L3MBTL3: variants seen among roughly 807,000 people sequenced by gnomAD.
The protein encoded by L3MBTL3 is lethal(3)malignant brain tumor-like protein 3.
A neutral mutation model predicts 102.3 loss-of-function variants in L3MBTL3; 27 were observed. That is an observed-to-expected ratio of 0.26 (90% confidence interval 0.19 to 0.36). The LOEUF (loss-of-function observed/expected upper bound fraction) is 0.36, where lower values mean the gene tolerates loss of function less well. L3MBTL3 is among the 10% of genes least tolerant of loss of function. The pLI is 1.00. For synonymous variants in L3MBTL3, 340 were observed against 320.9 expected (o/e 1.06, Z -0.64); for missense variants, 798 against 955.3 (o/e 0.84, Z 2.17).
chr6:130,025,152 C>T (rs1400950301), intron 2 of L3MBTL3, among the ~76,000 whole-genome samples: 1 of 152,148 alleles, frequency 6.6e-6, no homozygotes, highest in Admixed American at 6.5e-5. Flanking sequence ...CCACTTGCCA[C>T]TATTGAGGGA....
Position 130,057,406 on chromosome 6 carries a change from G to A in L3MBTL3, c.668G>A (p.Gly223Asp). 1 of 1,605,666 alleles carries A rather than the reference G, an allele frequency of 6.2e-7. No homozygotes were observed. The highest frequency in any genetic ancestry group is 8.5e-7 in the Non-Finnish European group (1 of 1,176,812). ...CATTTCCGTCTTGCTTGCCTTTCAG[G>A]TTTGCCTCCTAAAGGAAAGAAAGCG... ...RRGDSAVLKQ[G>D]LPPKGKKAWC... Residue 223 changes from glycine to aspartate, a missense_variant and splice_region_variant, in exon 9 of 23, where the codon GGT (glycine) becomes GAT (aspartate). Physicochemically the swap from Gly to Asp is moderately conservative, Grantham distance 94. Coordinates refer to ENST00000361794, the MANE Select transcript of L3MBTL3 (RefSeq NM_032438.4).
chr6:130,059,935 T>G lies in L3MBTL3; in HGVS notation c.760-101T>G, dbSNP rs569719846. On this transcript the variant is annotated intron_variant, in intron 9 of 22. Coordinates refer to ENST00000361794, the MANE Select transcript of L3MBTL3 (RefSeq NM_032438.4). ...TTTCTTTGGATTTTTAGAAGTTATG[T>G]ATTTGGTTAAATAGTCTTTATTTTT... 10 of 602,900 alleles carry G rather than the reference T, an allele frequency of 1.7e-5. No individual in the cohort carries two copies. The African/African-American group carries it at 1.9e-4, about 11-fold the overall frequency. 37.3% of individuals were successfully genotyped at this position (602,900 alleles called of 1,614,324 possible).
chr6:130,118,307 C>A (rs968043718), intron 19 of L3MBTL3, among the ~76,000 whole-genome samples: 4 of 152,176 alleles, frequency 2.6e-5, no homozygotes, highest in African/African-American at 9.7e-5. Context: ...TCCTTCAAGG[C>A]GTGTTATAAA....
intron 14 of L3MBTL3, among the ~76,000 whole-genome samples, chr6:130,081,422 A>AT (rs71028192): frequency 0.27 from 39,446 of 145,056 alleles, 5,783 homozygotes; most frequent in African/African-American, 0.38. Context: ...TATTAACTCC[A>AT]TTTTTTTTTT....
chr6:130,027,235 T>C (rs1211893320), intron 2 of L3MBTL3, among the ~76,000 whole-genome samples: 2 of 152,222 alleles, frequency 1.3e-5, no homozygotes, highest in African/African-American at 4.8e-5. Flanking sequence ...GGTAATGGGC[T>C]GTTTCTCCTT....
intron 13 of L3MBTL3, among the ~76,000 whole-genome samples, chr6:130,073,752 C>A (rs1246029911): frequency 1.3e-5 from 2 of 151,864 alleles, no homozygotes; most frequent in South Asian, 2.1e-4. Context: ...TAAAAAAGAT[C>A]CTGGATTCTA....
chr6:130,068,077 A>G (rs1318839290), intron 11 of L3MBTL3, among the ~76,000 whole-genome samples: 5 of 152,370 alleles, frequency 3.3e-5, no homozygotes, highest in Middle Eastern at 3.4e-3. Context: ...TGTCCTGGGT[A>G]TAATACATAT....
chr6:130,093,809 G>A (rs1408181205), intron 17 of L3MBTL3, among the ~76,000 whole-genome samples: 1 of 152,208 alleles, frequency 6.6e-6, no homozygotes, highest in African/African-American at 2.4e-5. Flanking sequence ...TGGTCAGAAT[G>A]AGGGAGGGTC....
At chr6:130,131,700 G>A (rs557360750) in intron 20 of L3MBTL3, among the ~76,000 whole-genome samples, 1 of 152,188 alleles carries the variant, frequency 6.6e-6, no homozygotes, top group Non-Finnish European at 1.5e-5. Flanking sequence ...TTGATGATAT[G>A]CTAAACAGGG....
intron 19 of L3MBTL3, among the ~76,000 whole-genome samples, chr6:130,116,946 ATTT>A (rs1329155980): frequency 7.1e-6 from 1 of 141,256 alleles, no homozygotes; most frequent in African/African-American, 2.9e-5. Context: ...TTTTCCTCTT[ATTT>A]TTTATTTATT....
intron 9 of L3MBTL3, among the ~76,000 whole-genome samples, chr6:130,059,673 C>T (rs1349742854): frequency 2.0e-5 from 3 of 152,126 alleles, no homozygotes; most frequent in African/African-American, 4.8e-5. Flanking sequence ...GTGATGTATG[C>T]GTGTGTCTGT....
intron 12 of L3MBTL3, chr6:130,070,700 A>C (rs1012486911): frequency 3.8e-6 from 1 of 265,610 alleles, no homozygotes. Flanking sequence ...AACACATGTT[A>C]AAATTAATTA....
chr6:130,046,736 T>C (rs1451845772), intron 3 of L3MBTL3, among the ~76,000 whole-genome samples: 1 of 152,250 alleles, frequency 6.6e-6, no homozygotes, highest in East Asian at 1.9e-4. Context: ...TTTAGCTCTC[T>C]AGGTTAAAAG....
chr6:130,089,815 A>C (rs1281559909), intron 16 of L3MBTL3, among the ~76,000 whole-genome samples: 1 of 146,110 alleles, frequency 6.8e-6, no homozygotes, highest in Non-Finnish European at 1.5e-5. Flanking sequence ...TCTGATGACC[A>C]GTGATGATGA....
Position 130,141,417 on chromosome 6 carries a change from A to G in L3MBTL3, c.*1664A>G, listed in dbSNP as rs183009498. 2.6e-5 allele frequency: 4 copies of G among 152,340 alleles called. No homozygotes were observed. In the East Asian group the frequency reaches 5.8e-4, roughly 22 times the overall value. 9.4% of individuals were successfully genotyped at this position (152,340 alleles called of 1,614,324 possible). A position where few individuals can be genotyped will look rare whatever the true frequency, so the allele number is the denominator to read the frequency against. The stretch of plus-strand genomic sequence containing the variant: ...GTTGTACTTGTTATATCTGACATGA[A>G]TGAAATAAAATCTTAATTACAGATG... On this transcript the variant is annotated 3_prime_UTR_variant, in exon 23 of 23. Coordinates refer to ENST00000361794, the MANE Select transcript of L3MBTL3 (RefSeq NM_032438.4).
chr6:130,037,740 A>G (rs1043384368), intron 2 of L3MBTL3, among the ~76,000 whole-genome samples: 5 of 152,048 alleles, frequency 3.3e-5, no homozygotes, highest in Non-Finnish European at 7.4e-5. Context: ...GGTAATTGGG[A>G]TATCCTTCAC....
intron 3 of L3MBTL3, among the ~76,000 whole-genome samples, chr6:130,048,811 T>G (rs1244430960): frequency 6.6e-6 from 1 of 152,226 alleles, no homozygotes; most frequent in Non-Finnish European, 1.5e-5. Context: ...GGCATAGGGA[T>G]ATTCCTTCTC....
intron 16 of L3MBTL3, among the ~76,000 whole-genome samples, chr6:130,089,147 G>C (rs749495584): frequency 5.3e-5 from 8 of 151,798 alleles, no homozygotes; most frequent in Non-Finnish European, 2.9e-5. Flanking sequence ...TACATGTGCC[G>C]TGTTGGTTTA....
chr6:130,046,393 G>A (rs1302867684), intron 3 of L3MBTL3, among the ~76,000 whole-genome samples: 1 of 152,122 alleles, frequency 6.6e-6, no homozygotes, highest in East Asian at 1.9e-4. Context: ...TCAAATCTCA[G>A]CATTGAAGGT....
Sources: allele counts gnomAD v4.1 joint callset (sites outside exome capture counted in the v4.1 genomes callset), GRCh38; gene constraint gnomAD v4.1.1; transcripts MANE v1.5; gene names NCBI Gene and HGNC (gene_info 2026-07-23, HGNC 2026-07-21).